Variants in DZIP1 observed in about 807,000 individuals in gnomAD.
DZIP1 encodes the protein DAZ interacting zinc finger protein 1, also known as cilium assembly protein DZIP1.
In DZIP1, 97 loss-of-function variants were observed where a neutral mutation model predicts 107.6. The ratio of observed to expected loss-of-function variants is 0.90; its 90% CI spans 0.77 to 1.07. The LOEUF is 1.07. Ranked by LOEUF, DZIP1 falls within the 50% of genes least tolerant of loss-of-function variation. The pLI, the probability that DZIP1 is intolerant of heterozygous loss-of-function variation, is 0.00. For synonymous variants in DZIP1, 390 were observed against 386.4 expected (o/e 1.01, Z -0.11); for missense variants, 1,035 against 1,063.6 (o/e 0.97, Z 0.37).
intron 8 of DZIP1, among the ~76,000 whole-genome samples, chr13:95,622,931 G>C (rs569974253): frequency 1.3e-5 from 2 of 152,016 alleles, no homozygotes; most frequent in East Asian, 1.9e-4. Context: ...TTTTTGTAGA[G>C]ACAGGGTTTT....
Position 95,582,178 on chromosome 13 carries a change from AAC to A in DZIP1, c.*54_*55del. 6.4e-7 allele frequency: 1 copy of A among 1,555,236 alleles called. No individual in the cohort carries two copies. Among genetic ancestry groups the A allele is most frequent in the Non-Finnish European group, 8.9e-7 (1 of 1,127,034 alleles). Reference sequence around the variant, plus strand: ...TAGAATCATGGAGGCAAATTACTGAAACACTGTGATACTGAAATACTGCTGGC... The same window carrying A: ...TAGAATCATGGAGGCAAATTACTGAAACTGTGATACTGAAATACTGCTGGC... On this transcript the variant is annotated 3_prime_UTR_variant, in exon 23 of 23. Coordinates refer to ENST00000376829, the MANE Select transcript of DZIP1 (RefSeq NM_198968.4).
intron 10 of DZIP1, chr13:95,618,095 T>G: frequency 2.0e-6 from 1 of 511,746 alleles, no homozygotes; most frequent in Non-Finnish European, 3.9e-6. Context: ...GCTGAAGATG[T>G]AAACATGGGC....
intron 20 of DZIP1, among the ~76,000 whole-genome samples, chr13:95,586,393 T>C (rs1194324023): frequency 4.6e-5 from 7 of 152,096 alleles, no homozygotes; most frequent in African/African-American, 1.7e-4. Context: ...AGAGACGAGG[T>C]CTTGCTATGC....
intron 7 of DZIP1, 110 bp downstream of exon 7, chr13:95,629,879 C>T (rs1251063798): frequency 3.5e-6 from 4 of 1,151,918 alleles, no homozygotes; most frequent in Non-Finnish European, 4.7e-6. Flanking sequence ...ATGCAATCAT[C>T]TTGTCAAATT....
At chr13:95,625,299 AG>A (rs1413975003) in intron 7 of DZIP1, among the ~76,000 whole-genome samples, 1 of 152,226 alleles carries the variant, frequency 6.6e-6, no homozygotes, top group Admixed American at 6.5e-5. Flanking sequence ...CAATTTGGAT[AG>A]TGTAACTTCA....
rs1224146565 is a variant in DZIP1 at position 95,615,358 on chromosome 13, C to T, written c.1174-3181G>A. Among the ~76,000 whole-genome samples the T allele has an allele frequency of 1.3e-5, 2 of 152,130 alleles. 1 individual carries two copies. Among genetic ancestry groups the T allele is most frequent in the South Asian group, 4.1e-4 (2 of 4,826 alleles). Reference sequence around the variant, plus strand: ...TTCCCACCCCCGATTAATAAAGAAACCTGAATTCTGTCCCTAAATACCAAT... The same window carrying T: ...TTCCCACCCCCGATTAATAAAGAAATCTGAATTCTGTCCCTAAATACCAAT... On this transcript the variant is annotated intron_variant, in intron 10 of 22. Coordinates refer to ENST00000376829, the MANE Select transcript of DZIP1 (RefSeq NM_198968.4).
rs533801414 is a variant in DZIP1, at chr13:95,613,780, A to G, written c.1174-1603T>C. Among the ~76,000 whole-genome samples, 5 of 152,316 alleles carry G rather than the reference A, an allele frequency of 3.3e-5. No individual in the cohort carries two copies. The East Asian group carries it at 7.7e-4, about 24-fold the overall frequency. The stretch of plus-strand genomic sequence containing the variant: ...CCCATCGTACAGATAGGAAAACTCA[A>G]GTCTAGAAAGGTAAAGTCACTGGCT... On this transcript the variant is annotated intron_variant, in intron 10 of 22. Coordinates refer to ENST00000376829, the MANE Select transcript of DZIP1 (RefSeq NM_198968.4).
At chr13:95,616,373 C>T (rs1463528489) in intron 10 of DZIP1, among the ~76,000 whole-genome samples, 1 of 152,102 alleles carries the variant, frequency 6.6e-6, no homozygotes, top group Non-Finnish European at 1.5e-5. Flanking sequence ...GAAAACAAGG[C>T]TGAATGATGC....
chr13:95,615,111 G>A lies in DZIP1; in HGVS notation c.1174-2934C>T, dbSNP rs186827266. On this transcript the variant is annotated intron_variant, in intron 10 of 22. Coordinates refer to ENST00000376829, the MANE Select transcript of DZIP1 (RefSeq NM_198968.4). ...TGCAGCCTAGTGGTGGCACAAATCC[G>A]CCCCCACATACCTAGTATGTGAGGC... Among the ~76,000 whole-genome samples the A allele has an allele frequency of 1.4e-3, 209 of 152,098 alleles. 1 individual carries two copies. The highest frequency in any genetic ancestry group is 4.6e-3 in the African/African-American group (192 of 41,482).
intron 22 of DZIP1, among the ~76,000 whole-genome samples, chr13:95,583,565 TTAC>T (rs1228707823): frequency 2.6e-5 from 4 of 152,112 alleles, no homozygotes; most frequent in African/African-American, 9.7e-5. Flanking sequence ...TAAAAAAAAA[TTAC>T]TAAGTTATTG....
chr13:95,604,790 G>A (rs947748920), intron 14 of DZIP1, among the ~76,000 whole-genome samples: 5 of 152,176 alleles, frequency 3.3e-5, no homozygotes, highest in Non-Finnish European at 7.3e-5. Context: ...AAGTACAAAA[G>A]AGAAATGGCC....
At position 95,591,146 on chromosome 13, in the gene DZIP1, A is replaced by G. The variant is rs893410636; in HGVS notation, c.1681-705T>C. Among the ~76,000 whole-genome samples, 3 of 149,832 alleles carry G rather than the reference A, an allele frequency of 2.0e-5. No individual in the cohort carries two copies. In the East Asian group the frequency reaches 5.9e-4, roughly 30 times the overall value. On this transcript the variant is annotated intron_variant, in intron 16 of 22. Coordinates refer to ENST00000376829, the MANE Select transcript of DZIP1 (RefSeq NM_198968.4). The stretch of plus-strand genomic sequence containing the variant: ...CAGGTTCAAATGATTCTCTTGCCTC[A>G]GCCTTCCGAGTAGCTGGGATTACAG...
At chr13:95,604,156 C>T (rs1186682632) in intron 14 of DZIP1, among the ~76,000 whole-genome samples, 1 of 152,224 alleles carries the variant, frequency 6.6e-6, no homozygotes, top group African/African-American at 2.4e-5. Context: ...TCCAAGGGCA[C>T]CCCCACCTCC....
At chr13:95,601,168 A>C (rs2044608011) in intron 14 of DZIP1, among the ~76,000 whole-genome samples, 1 of 152,164 alleles carries the variant, frequency 6.6e-6, no homozygotes, top group South Asian at 2.1e-4. Context: ...CTCTGTGTAC[A>C]GAGGAAGAGT....
intron 14 of DZIP1, among the ~76,000 whole-genome samples, chr13:95,603,492 C>A (rs558043949): frequency 6.6e-6 from 1 of 152,010 alleles, no homozygotes; most frequent in Admixed American, 6.6e-5. Context: ...GGTTATTTTG[C>A]ATCCTCACTG....
At chr13:95,607,306 C>T (rs564010166) in intron 13 of DZIP1, among the ~76,000 whole-genome samples, 92 of 152,258 alleles carry the variant, frequency 6.0e-4, no homozygotes, top group Admixed American at 3.9e-3. Context: ...CTTGGTCTCC[C>T]AAAGTGCTAG....
chr13:95,641,601 G>A lies in DZIP1; in HGVS notation c.291C>T (p.Thr97=), dbSNP rs1481835119. ...LTLQENIMNI[T]FCKLEDEKCP... ...ACTTCTCGTCTTCCAGCTTGCAGAA[G>A]GTGATGTTCATGATGTTCTCCTGCA... Residue 97 remains threonine, a synonymous_variant, in exon 5 of 23, where the codon ACC becomes ACT. Coordinates refer to ENST00000376829, the MANE Select transcript of DZIP1 (RefSeq NM_198968.4). The surrounding 1 kb of genome is among the most constrained non-coding windows in gnomAD (Gnocchi z 4.3). The A allele has an allele frequency of 6.2e-7, 1 of 1,613,160 alleles. No homozygotes were observed. The highest frequency in any genetic ancestry group is 1.3e-5 in the African/African-American group (1 of 75,070).
intron 14 of DZIP1, among the ~76,000 whole-genome samples, chr13:95,600,015 C>A (rs909075859): frequency 3.3e-5 from 5 of 152,172 alleles, no homozygotes; most frequent in African/African-American, 1.2e-4. Flanking sequence ...CACAGCTGGG[C>A]AGATGAGGAA....
intron 8 of DZIP1, among the ~76,000 whole-genome samples, chr13:95,623,448 A>T (rs1876147042): frequency 1.3e-5 from 2 of 152,220 alleles, no homozygotes; most frequent in African/African-American, 4.8e-5. Context: ...CAACAGTTAT[A>T]AGTCATGCAG....
Sources: allele counts gnomAD v4.1 joint callset (sites outside exome capture counted in the v4.1 genomes callset), GRCh38; gene constraint gnomAD v4.1.1; non-coding constraint Gnocchi (gnomAD v3.1); transcripts MANE v1.5; gene names NCBI Gene and HGNC (gene_info 2026-07-23, HGNC 2026-07-21).